The following MSRA variants were observed in gnomAD, a reference collection of about 807,000 sequenced individuals.
MSRA encodes the protein methionine sulfoxide reductase A, also known as mitochondrial peptide methionine sulfoxide reductase.
MSRA carries 54 observed loss-of-function variants against 31.3 expected under a neutral mutation model. That is an observed-to-expected ratio of 1.73 (90% confidence interval 1.39 to 2.17). The LOEUF (loss-of-function observed/expected upper bound fraction) is 2.17, where lower values mean the gene tolerates loss of function less well. MSRA is among the 30% of genes most tolerant of loss of function. The pLI is 0.00. For missense variants in MSRA, 507 were observed against 300.9 expected (o/e 1.69, Z -5.07); for synonymous variants, 169 against 116.5 (o/e 1.45, Z -2.90).
chr8:10,270,902 C>G (rs1799000595), intron 3 of MSRA, among the ~76,000 whole-genome samples: 1 of 152,130 alleles, frequency 6.6e-6, no homozygotes, highest in Non-Finnish European at 1.5e-5. Context: ...GAGCCAGGCG[C>G]CTTCCCCACA....
At chr8:10,397,274 T>C (rs1364433357) in intron 5 of MSRA, among the ~76,000 whole-genome samples, 1 of 152,202 alleles carries the variant, frequency 6.6e-6, no homozygotes, top group African/African-American at 2.4e-5. Context: ...TTTAAGCTTC[T>C]CCCTTTGAAT....
At chr8:10,378,819 A>G (rs1805894798) in intron 5 of MSRA, among the ~76,000 whole-genome samples, 1 of 152,230 alleles carries the variant, frequency 6.6e-6, no homozygotes, top group Admixed American at 6.5e-5. Context: ...GTTCTGAGGC[A>G]CACTAAGATG....
At chr8:10,219,183 A>G (rs914694862) in intron 2 of MSRA, among the ~76,000 whole-genome samples, 6 of 152,236 alleles carry the variant, frequency 3.9e-5, no homozygotes, top group African/African-American at 1.4e-4. Context: ...CTGCTCAGGG[A>G]TGCTGCCCAT....
At chr8:10,202,492 C>T (rs1296070774) in intron 1 of MSRA, among the ~76,000 whole-genome samples, 3 of 152,166 alleles carry the variant, frequency 2.0e-5, no homozygotes, top group African/African-American at 7.2e-5. Context: ...TTGTTTTATC[C>T]ATTTAAACCA....
chr8:10,343,246 A>T (rs1435852658), intron 5 of MSRA, among the ~76,000 whole-genome samples: 1 of 152,206 alleles, frequency 6.6e-6, no homozygotes, highest in African/African-American at 2.4e-5. Flanking sequence ...TCCAGAATCC[A>T]TGGTGAGAAC....
intron 3 of MSRA, among the ~76,000 whole-genome samples, chr8:10,257,331 G>T (rs535532655): frequency 6.6e-6 from 1 of 152,302 alleles, no homozygotes; most frequent in East Asian, 1.9e-4. Flanking sequence ...TGACCTCAGA[G>T]ACCTTGGGTC....
intron 1 of MSRA, among the ~76,000 whole-genome samples, chr8:10,196,071 C>T (rs1049471139): frequency 6.6e-6 from 1 of 152,202 alleles, no homozygotes; most frequent in African/African-American, 2.4e-5. Flanking sequence ...GTGGGGGAGC[C>T]ACTGGACCAC....
chr8:10,180,551 C>T (rs570988956), intron 1 of MSRA, among the ~76,000 whole-genome samples: 70 of 152,136 alleles, frequency 4.6e-4, no homozygotes, highest in Non-Finnish European at 8.2e-4. Context: ...CAGTCCCAAG[C>T]CACCTGGAGT....
At chr8:10,199,329 T>C (rs1808284908) in intron 1 of MSRA, among the ~76,000 whole-genome samples, 1 of 152,128 alleles carries the variant, frequency 6.6e-6, no homozygotes, top group Non-Finnish European at 1.5e-5. Context: ...TGTTTGTTTG[T>C]TTGTTTTTTG....
chr8:10,183,772 CTGGTGG>C lies in MSRA; in HGVS notation c.143-24028_143-24023del, dbSNP rs144951163. Among the ~76,000 whole-genome samples the C allele has an allele frequency of 1.3e-3, 179 of 141,960 alleles. 1 individual carries two copies. The East Asian group carries it at 0.015, about 12-fold the overall frequency. 93.1% of individuals were successfully genotyped at this position (141,960 alleles called of 152,430 possible). On this transcript the variant is annotated intron_variant, in intron 1 of 5. Transcript: ENST00000317173. ...TGTGGCATCAGGGTGACAAGCTGAG[CTGGTGG>C]TGGTGGTGGTGGTGGTGGTGGTGGT...
At chr8:10,224,583 T>G (rs545547226) in intron 2 of MSRA, among the ~76,000 whole-genome samples, 5 of 152,300 alleles carry the variant, frequency 3.3e-5, no homozygotes, top group Non-Finnish European at 7.4e-5. Flanking sequence ...AGATGGGGGC[T>G]GGACCAGGTG....
At position 10,338,459 on chromosome 8, in the gene MSRA, T is replaced by G. The variant is rs928347944; in HGVS notation, c.543+18470T>G. 6.6e-5 allele frequency among the ~76,000 whole-genome samples: 10 copies of G among 152,230 alleles called. No homozygotes were observed. In the South Asian group the frequency reaches 2.1e-3, roughly 32 times the overall value. Reference sequence around the variant, plus strand: ...GGTGACTGTAGTCAATAATGTAGTGTATATTTCAGAATAACTAAGAGCACA... The same window carrying G: ...GGTGACTGTAGTCAATAATGTAGTGGATATTTCAGAATAACTAAGAGCACA... On this transcript the variant is annotated intron_variant, in intron 5 of 5. Transcript: ENST00000317173.
At chr8:10,251,863 G>T (rs1347170812) in intron 3 of MSRA, among the ~76,000 whole-genome samples, 1 of 147,882 alleles carries the variant, frequency 6.8e-6, no homozygotes, top group African/African-American at 2.5e-5. Context: ...TGACATGGTG[G>T]GGGGGGGGGG....
intron 1 of MSRA, among the ~76,000 whole-genome samples, chr8:10,121,556 T>C (rs1397152026): frequency 6.6e-6 from 1 of 152,188 alleles, no homozygotes; most frequent in African/African-American, 2.4e-5. Context: ...GATTTAAAAG[T>C]GACTTAAGCC....
chr8:10,107,930 T>C (rs907067649), intron 1 of MSRA, among the ~76,000 whole-genome samples: 5 of 152,210 alleles, frequency 3.3e-5, no homozygotes, highest in Non-Finnish European at 1.5e-5. Flanking sequence ...GCCTTTACAG[T>C]GTTTAATGAC....
chr8:10,179,038 G>C (rs1330512574), intron 1 of MSRA, among the ~76,000 whole-genome samples: 2 of 152,132 alleles, frequency 1.3e-5, no homozygotes, highest in African/African-American at 4.8e-5. Context: ...GCACTAGAAA[G>C]AGTTAAAACT....
rs145875915 is a variant in MSRA at position 10,215,043 on chromosome 8, A to G, written c.211+7142A>G. On this transcript the variant is annotated intron_variant, in intron 2 of 5. Coordinates refer to ENST00000317173, the MANE Select transcript of MSRA (RefSeq NM_012331.5). ...GAGTCACAGAGGAGGGTGGGTTCAT[A>G]TGTTTAGAGTATGGAAGGTGGACTG... Among the ~76,000 whole-genome samples the G allele has an allele frequency of 1.6e-3, 241 of 152,334 alleles. 1 individual carries two copies. The highest frequency in any genetic ancestry group is 6.8e-3 in the Middle Eastern group (2 of 294).
chr8:10,167,225 C>T (rs1376174731), intron 1 of MSRA, among the ~76,000 whole-genome samples: 2 of 152,194 alleles, frequency 1.3e-5, no homozygotes. Flanking sequence ...CTGAGTTCTG[C>T]ATGTTCTGAT....
chr8:10,256,601 T>A (rs1339789893), intron 3 of MSRA, among the ~76,000 whole-genome samples: 7 of 152,164 alleles, frequency 4.6e-5, no homozygotes, highest in African/African-American at 7.2e-5. Flanking sequence ...AAACTTACTT[T>A]TCTTTTCTGA....
Sources: gnomAD v4.1 joint callset for allele counts (sites outside exome capture counted in the v4.1 genomes callset) on GRCh38, gnomAD v4.1.1 for gene constraint, MANE v1.5 for transcripts, NCBI Gene and HGNC (gene_info 2026-07-23, HGNC 2026-07-21) for gene names.